PCDHA9: variants seen among roughly 807,000 people sequenced by gnomAD.
PCDHA9 encodes protocadherin alpha 9, also known as protocadherin alpha-9.
PCDHA9 carries 62 observed loss-of-function variants against 62.0 expected under a neutral mutation model. The observed-to-expected ratio is 1.00, with a 90% CI of 0.81 to 1.23. PCDHA9 has a LOEUF of 1.23. Ranked by LOEUF, PCDHA9 falls within the 50% of genes most tolerant of loss-of-function variation. The pLI is 0.00. For synonymous variants in PCDHA9, 557 were observed against 567.6 expected, an observed-to-expected ratio of 0.98 and a Z score of 0.27; for missense variants, 1,205 against 1,249.8, an observed-to-expected ratio of 0.96 and a Z score of 0.54.
chr5:140,898,156 G>C (rs1176390379), intron 1 of PCDHA9, among the ~76,000 whole-genome samples: 2 of 152,114 alleles, frequency 1.3e-5, no homozygotes, highest in African/African-American at 4.8e-5. Context: ...TCACGCTGAT[G>C]GTGGTTTCTT....
chr5:140,946,516 C>G (rs551838143), intron 1 of PCDHA9, among the ~76,000 whole-genome samples: 1 of 151,020 alleles, frequency 6.6e-6, no homozygotes, highest in Non-Finnish European at 1.5e-5. Context: ...AAGACCTATC[C>G]GCACTCCCAT....
intron 1 of PCDHA9, among the ~76,000 whole-genome samples, chr5:140,921,524 T>C (rs2080251541): frequency 6.6e-6 from 1 of 152,164 alleles, no homozygotes; most frequent in South Asian, 2.1e-4. Flanking sequence ...GAAATAAAAA[T>C]CTGCTGATAG....
In PCDHA9 at chr5:140,852,257, T is replaced by C. The variant is rs1417638818; in HGVS notation, c.2394+1368T>C. 5.9e-6 allele frequency: 3 copies of C among 512,112 alleles called. No individual in the cohort carries two copies. The African/African-American group carries it at 6.3e-5, about 11-fold the overall frequency. 31.7% of individuals were successfully genotyped at this position (512,112 alleles called of 1,614,324 possible). A position where few individuals can be genotyped will look rare whatever the true frequency, so the allele number is the denominator to read the frequency against. On this transcript the variant is annotated intron_variant, in intron 1 of 3. Coordinates refer to ENST00000532602, the MANE Select transcript of PCDHA9 (RefSeq NM_031857.2). ...TCCCTTAAAACACACTTTTGGAATA[T>C]GCTACAATATTACATGTTTTTTGTC...
intron 1 of PCDHA9, chr5:140,882,203 TGA>T: frequency 6.5e-7 from 1 of 1,530,090 alleles, no homozygotes; most frequent in Non-Finnish European, 8.8e-7. Flanking sequence ...AATTGGGCCT[TGA>T]GAGACAGTTT....
intron 1 of PCDHA9, chr5:140,969,442 T>G (rs1554231813): frequency 1.6e-5 from 25 of 1,543,830 alleles, no homozygotes; most frequent in Non-Finnish European, 2.2e-5. Flanking sequence ...AGTTATCTGG[T>G]AAACTGAGTA....
intron 1 of PCDHA9, chr5:140,876,072 GGA>G: frequency 1.2e-6 from 2 of 1,613,902 alleles, no homozygotes; most frequent in Non-Finnish European, 8.5e-7. Flanking sequence ...GGAAGTTATT[GGA>G]CAGAGAGCAA....
rs150382315 is a variant in PCDHA9, at chr5:140,929,255, G to A, written c.2395-49694G>A. 5.2e-5 allele frequency: 84 copies of A among 1,613,256 alleles called. No homozygotes were observed. In the South Asian group the frequency reaches 8.9e-4, roughly 17 times the overall value. On this transcript the variant is annotated intron_variant, in intron 1 of 3. Coordinates refer to ENST00000532602, the MANE Select transcript of PCDHA9 (RefSeq NM_031857.2). ...CTGCGAAATCTTGCCACTGGGGTAG[G>A]ACTGAATTTGCCAATATCCTGTATT...
At chr5:140,884,493 C>G (rs782633321) in intron 1 of PCDHA9, 4 of 1,613,920 alleles carry the variant, frequency 2.5e-6, no homozygotes, top group South Asian at 1.1e-5. Context: ...CTAGTGTGCT[C>G]CAGCGCGGCA....
intron 1 of PCDHA9, among the ~76,000 whole-genome samples, chr5:140,959,554 A>G (rs1375729843): frequency 6.6e-6 from 1 of 152,210 alleles, no homozygotes; most frequent in Non-Finnish European, 1.5e-5. Context: ...TATAAATAGA[A>G]TCAGTACTAG....
At chr5:141,000,361 GTCTCTCTCTCTCTCTCTC>G (rs148596731) in intron 3 of PCDHA9, among the ~76,000 whole-genome samples, 25 of 26,446 alleles carry the variant, frequency 9.5e-4, no homozygotes, top group African/African-American at 4.9e-3. Context: ...GTCTCTCTCT[GTCTCTCTCTCTCTCTCTC>G]TCTCTCTCTC....
At chr5:141,008,126 G>A (rs2098361949) in intron 3 of PCDHA9, among the ~76,000 whole-genome samples, 1 of 152,178 alleles carries the variant, frequency 6.6e-6, no homozygotes, top group African/African-American at 2.4e-5. Context: ...TCAAGAAGGG[G>A]ATGACAAATG....
chr5:140,853,921 C>T (rs2042909522), intron 1 of PCDHA9: 2 of 921,152 alleles, frequency 2.2e-6, no homozygotes, highest in African/African-American at 1.8e-5. Flanking sequence ...GCAATCCCAA[C>T]ATTTTGGGAG....
At chr5:141,009,179 G>C (rs1343163889) in intron 3 of PCDHA9, among the ~76,000 whole-genome samples, 2 of 152,212 alleles carry the variant, frequency 1.3e-5, no homozygotes, top group Non-Finnish European at 2.9e-5. Flanking sequence ...CCTTGGCTGG[G>C]TGTGGTAGCT....
intron 1 of PCDHA9, chr5:140,968,527 G>A (rs782634339): frequency 9.3e-6 from 15 of 1,614,142 alleles, no homozygotes; most frequent in Middle Eastern, 1.6e-4. Flanking sequence ...CAACCAACTC[G>A]TCAGCAGCCT....
intron 1 of PCDHA9, among the ~76,000 whole-genome samples, chr5:140,915,168 C>T (rs181934284): frequency 6.0e-4 from 92 of 152,112 alleles, no homozygotes; most frequent in Middle Eastern, 3.4e-3. Context: ...AGGATAGTCT[C>T]GATCTCTTGA....
intron 1 of PCDHA9, among the ~76,000 whole-genome samples, chr5:140,923,219 C>T (rs557006469): frequency 1.3e-5 from 2 of 152,094 alleles, no homozygotes; most frequent in East Asian, 1.9e-4. Context: ...GTGAAAGGAT[C>T]GTTTGAGCCC....
intron 1 of PCDHA9, chr5:140,853,353 C>T: frequency 1.0e-6 from 1 of 981,690 alleles, no homozygotes; most frequent in Non-Finnish European, 1.2e-6. Context: ...AACATGAACT[C>T]ACAGGGATCC....
Position 140,848,385 on chromosome 5 carries a change from C to G in PCDHA9, c.-111C>G, listed in dbSNP as rs2150409736. On this transcript the variant is annotated 5_prime_UTR_variant, in exon 1 of 4. Coordinates refer to ENST00000532602, the MANE Select transcript of PCDHA9 (RefSeq NM_031857.2). The stretch of plus-strand genomic sequence containing the variant: ...GAAAGAGGCTCAATTCTTTTTCACT[C>G]TCTCTGTGCTGAACGATGGCGAACA... The G allele has an allele frequency of 2.3e-5, 28 of 1,211,136 alleles. No homozygotes were observed. The highest frequency in any genetic ancestry group is 2.9e-5 in the Non-Finnish European group (25 of 856,448). The allele number at this position is 1,211,136 out of a possible 1,614,324, so 75.0% of individuals were successfully genotyped here.
intron 1 of PCDHA9, among the ~76,000 whole-genome samples, chr5:140,975,016 G>C (rs782435284): frequency 6.6e-6 from 1 of 152,128 alleles, no homozygotes; most frequent in Non-Finnish European, 1.5e-5. Context: ...AACACAGCTG[G>C]GCTGTGTTGT....
Sources: allele counts gnomAD v4.1 joint callset (sites outside exome capture counted in the v4.1 genomes callset), GRCh38; gene constraint gnomAD v4.1.1; transcripts MANE v1.5; gene names NCBI Gene and HGNC (gene_info 2026-07-23, HGNC 2026-07-21).